The following FBXL5 variants were observed in gnomAD, a reference collection of about 807,000 sequenced individuals.
FBXL5 encodes F-box and leucine rich repeat protein 5.
A neutral mutation model predicts 78.3 loss-of-function variants in FBXL5; 26 were observed. The ratio of observed to expected loss-of-function variants is 0.33; its 90% CI spans 0.24 to 0.46. The LOEUF is 0.46. Ranked by LOEUF, FBXL5 falls within the 20% of genes least tolerant of loss-of-function variation. The pLI, the probability that FBXL5 is intolerant of heterozygous loss-of-function variation, is 1.00. For synonymous variants in FBXL5, 295 were observed against 282.5 expected, an observed-to-expected ratio of 1.04 and a Z score of -0.45; for missense variants, 710 against 829.2, an observed-to-expected ratio of 0.86 and a Z score of 1.77.
chr4:15,641,412 GA>G, intron 2 of FBXL5: 1 of 350,234 alleles, frequency 2.9e-6, no homozygotes, highest in East Asian at 7.7e-5. Context: ...TACTCAATGT[GA>G]AGACAATGAG....
intron 9 of FBXL5, among the ~76,000 whole-genome samples, chr4:15,621,853 G>C (rs1420550769): frequency 6.6e-6 from 1 of 152,116 alleles, no homozygotes; most frequent in Non-Finnish European, 1.5e-5. Context: ...TTTTGAGACA[G>C]GGTCTGGCTT....
chr4:15,669,123 G>C (rs1717661190), intron 1 of FBXL5, among the ~76,000 whole-genome samples: 1 of 152,144 alleles, frequency 6.6e-6, no homozygotes. Context: ...TTTGTTACTT[G>C]ACAACAGGGA....
chr4:15,641,326 T>G (rs7696122), intron 2 of FBXL5, among the ~76,000 whole-genome samples: 45 of 152,212 alleles, frequency 3.0e-4, no homozygotes, highest in African/African-American at 1.1e-3. Context: ...GCGGGTTCAC[T>G]TAATTACCGA....
At chr4:15,618,700 G>T (rs961589036) in intron 9 of FBXL5, among the ~76,000 whole-genome samples, 3 of 152,084 alleles carry the variant, frequency 2.0e-5, no homozygotes, top group Non-Finnish European at 4.4e-5. Context: ...AAATTAGCTG[G>T]GCGTGGTGGC....
chr4:15,613,194 G>C (rs368223647), intron 9 of FBXL5, among the ~76,000 whole-genome samples: 19 of 152,116 alleles, frequency 1.2e-4, no homozygotes, highest in African/African-American at 4.6e-4. Context: ...CTGGGGAAAG[G>C]GGGAGTGAGA....
intron 3 of FBXL5, among the ~76,000 whole-genome samples, chr4:15,639,515 T>C (rs191162322): frequency 2.2e-4 from 34 of 152,386 alleles, no homozygotes; most frequent in Admixed American, 6.5e-4. Context: ...GAATTATCTA[T>C]GGAGATTTCT....
At chr4:15,621,262 T>C (rs567235052) in intron 9 of FBXL5, among the ~76,000 whole-genome samples, 3 of 152,180 alleles carry the variant, frequency 2.0e-5, no homozygotes, top group African/African-American at 7.2e-5. Context: ...AGCTGAATAG[T>C]AGGATACAAA....
In FBXL5 at chr4:15,627,054, G is replaced by A. The variant is rs750525564; in HGVS notation, c.1042-99C>T. 1.8e-4 allele frequency: 91 copies of A among 514,924 alleles called. 1 individual carries two copies. Among genetic ancestry groups the A allele is most frequent in the Non-Finnish European group, 1.7e-4 (52 of 298,964 alleles). The allele number at this position is 514,924 out of a possible 1,614,324, so 31.9% of individuals were successfully genotyped here. On this transcript the variant is annotated intron_variant, in intron 7 of 10. Coordinates refer to ENST00000341285, the MANE Select transcript of FBXL5 (RefSeq NM_012161.4). ...AACATAATCTAGTTCACAAACTTTT[G>A]TGAATATAAAAAAAAATCACTTGAA...
intron 1 of FBXL5, among the ~76,000 whole-genome samples, chr4:15,664,956 A>C (rs576933949): frequency 6.6e-6 from 1 of 152,196 alleles, no homozygotes; most frequent in East Asian, 1.9e-4. Flanking sequence ...TGATTCATTA[A>C]GTTTAAGGTT....
At chr4:15,645,283 T>C (rs1274412971) in intron 1 of FBXL5, among the ~76,000 whole-genome samples, 1 of 152,122 alleles carries the variant, frequency 6.6e-6, no homozygotes. Context: ...CTACTATACA[T>C]AACAGAATTA....
chr4:15,663,130 C>G (rs1206197256), upstream of FBXL5, among the ~76,000 whole-genome samples: 8 of 152,100 alleles, frequency 5.3e-5, 1 homozygote. Flanking sequence ...CAGTCTTTTA[C>G]TGAAAATTCC....
intron 1 of FBXL5, among the ~76,000 whole-genome samples, chr4:15,648,567 G>A (rs937197171): frequency 2.0e-5 from 3 of 152,146 alleles, no homozygotes; most frequent in Admixed American, 6.5e-5. Context: ...CCTGTCATTT[G>A]CAACAACATA....
chr4:15,616,707 G>A (rs777378953), intron 9 of FBXL5, among the ~76,000 whole-genome samples: 3 of 152,172 alleles, frequency 2.0e-5, no homozygotes, highest in Non-Finnish European at 2.9e-5. Flanking sequence ...ACTTCCCTGG[G>A]GACCAAGAAT....
chr4:15,618,300 G>C (rs905113988), intron 9 of FBXL5, among the ~76,000 whole-genome samples: 1 of 152,194 alleles, frequency 6.6e-6, no homozygotes, highest in Non-Finnish European at 1.5e-5. Context: ...AAGAGGCTGA[G>C]GTGGGAGGAT....
intron 10 of FBXL5, among the ~76,000 whole-genome samples, chr4:15,608,121 T>C (rs546911377): frequency 1.0e-3 from 159 of 152,280 alleles, no homozygotes; most frequent in Admixed American, 1.4e-3. Flanking sequence ...GGACTTACTA[T>C]AGTCCTATTT....
In FBXL5 at chr4:15,611,419, G is replaced by A. The variant is rs911522899; in HGVS notation, c.1999+847C>T. Among the ~76,000 whole-genome samples the A allele has an allele frequency of 3.9e-5, 6 of 152,080 alleles. No individual in the cohort carries two copies. The East Asian group carries it at 5.8e-4, about 15-fold the overall frequency. On this transcript the variant is annotated intron_variant, in intron 10 of 10. Transcript: ENST00000341285. ...ACTGGGCACTCAAAGACAATAGGGC[G>A]CAGTATAAAAAGACAGGTACATAGT...
At chr4:15,621,982 C>T (rs1254430938) in intron 9 of FBXL5, among the ~76,000 whole-genome samples, 1 of 152,192 alleles carries the variant, frequency 6.6e-6, no homozygotes, top group Non-Finnish European at 1.5e-5. Flanking sequence ...GTGCATGCCA[C>T]CATGCCTAAC....
At chr4:15,643,550 C>T (rs931875414) in intron 2 of FBXL5, among the ~76,000 whole-genome samples, 7 of 148,822 alleles carry the variant, frequency 4.7e-5, no homozygotes, top group African/African-American at 7.5e-5. Flanking sequence ...GGATTACAGG[C>T]GCCTGCCACT....
At chr4:15,661,241 T>G (rs1361810050), upstream of FBXL5, among the ~76,000 whole-genome samples, 1 of 152,212 alleles carries the variant, frequency 6.6e-6, no homozygotes, top group Non-Finnish European at 1.5e-5. Flanking sequence ...AACAAAACTT[T>G]GGCATGTGCT....
Sources: allele counts gnomAD v4.1 joint callset (sites outside exome capture counted in the v4.1 genomes callset), GRCh38; gene constraint gnomAD v4.1.1; transcripts MANE v1.5; gene names NCBI Gene and HGNC (gene_info 2026-07-23, HGNC 2026-07-21).